The following SGCZ variants were observed in gnomAD, a reference collection of about 807,000 sequenced individuals.
SGCZ encodes zeta-sarcoglycan.
In SGCZ, 40 loss-of-function variants were observed where a neutral mutation model predicts 41.3. The observed-to-expected ratio is 0.97, with a 90% confidence interval of 0.75 to 1.26. The LOEUF (loss-of-function observed/expected upper bound fraction) is 1.26. Among genes scored for constraint, SGCZ ranks in the 50% most tolerant of loss-of-function variants. The pLI is 0.00. For synonymous variants in SGCZ, 206 were observed against 137.5 expected, an observed-to-expected ratio of 1.50 and a Z score of -3.49; for missense variants, 552 against 369.8, an observed-to-expected ratio of 1.49 and a Z score of -4.04.
intron 1 of SGCZ, among the ~76,000 whole-genome samples, chr8:14,574,866 T>C (rs1441386203): frequency 6.6e-6 from 1 of 152,132 alleles, no homozygotes; most frequent in Non-Finnish European, 1.5e-5. Flanking sequence ...TACAGTGAAT[T>C]TGGAGAAAAC....
chr8:14,571,010 T>G (rs530090818), intron 1 of SGCZ, among the ~76,000 whole-genome samples: 1 of 152,306 alleles, frequency 6.6e-6, no homozygotes, highest in East Asian at 1.9e-4. Context: ...CCTTGACAGG[T>G]GTATTAGTCA....
At chr8:15,111,310 C>G (rs62499773) in intron 1 of SGCZ, among the ~76,000 whole-genome samples, 1 of 152,120 alleles carries the variant, frequency 6.6e-6, no homozygotes. Flanking sequence ...CTCCCTACAA[C>G]CCTCTCCCGC....
intron 1 of SGCZ, among the ~76,000 whole-genome samples, chr8:15,112,354 T>C (rs1807102409): frequency 6.6e-6 from 1 of 152,258 alleles, no homozygotes; most frequent in Non-Finnish European, 1.5e-5. Context: ...TTTTGGACCT[T>C]CTGCTAGTAG....
intron 1 of SGCZ, among the ~76,000 whole-genome samples, chr8:15,031,306 G>A (rs927920571): frequency 2.6e-5 from 4 of 152,148 alleles, no homozygotes; most frequent in Admixed American, 6.5e-5. Flanking sequence ...GGATCCTCAT[G>A]CCTCGCCCAG....
At chr8:14,699,543 G>A (rs1183287928) in intron 1 of SGCZ, among the ~76,000 whole-genome samples, 1 of 151,792 alleles carries the variant, frequency 6.6e-6, no homozygotes, top group African/African-American at 2.4e-5. Context: ...ATACCATTCT[G>A]GACATCGACC....
chr8:14,965,919 T>A (rs1585419605), intron 1 of SGCZ, among the ~76,000 whole-genome samples: 1 of 152,076 alleles, frequency 6.6e-6, no homozygotes, highest in South Asian at 2.1e-4. Flanking sequence ...TAACTCATGA[T>A]CGAAGAAGAA....
At chr8:14,103,867 T>TATTA (rs1802117599) in intron 6 of SGCZ, among the ~76,000 whole-genome samples, 1 of 152,214 alleles carries the variant, frequency 6.6e-6, no homozygotes, top group South Asian at 2.1e-4. Context: ...TAAAATTTAC[T>TATTA]ATTAGCATTT....
chr8:14,552,320 A>G (rs1401021193), intron 2 of SGCZ, among the ~76,000 whole-genome samples: 1 of 152,092 alleles, frequency 6.6e-6, no homozygotes, highest in Non-Finnish European at 1.5e-5. Flanking sequence ...CTGAACAACT[A>G]TAAGTGACTA....
chr8:15,102,890 T>C (rs887154047), intron 1 of SGCZ, among the ~76,000 whole-genome samples: 3 of 152,174 alleles, frequency 2.0e-5, no homozygotes, highest in Non-Finnish European at 4.4e-5. Flanking sequence ...AACTCTTTAG[T>C]CCAAGACTGT....
At chr8:14,485,927 C>T (rs939110400) in intron 2 of SGCZ, among the ~76,000 whole-genome samples, 15 of 146,856 alleles carry the variant, frequency 1.0e-4, no homozygotes, top group African/African-American at 3.5e-4. Flanking sequence ...CTGCAAGCTC[C>T]GCTTCCCGGG....
chr8:15,088,611 A>G (rs1234593498), intron 1 of SGCZ, among the ~76,000 whole-genome samples: 1 of 28,810 alleles, frequency 3.5e-5, no homozygotes, highest in Non-Finnish European at 2.1e-4. Context: ...TAAAGCTAGG[A>G]ACTCCTAAGT....
chr8:14,555,866 T>C (rs1804020436), intron 1 of SGCZ, among the ~76,000 whole-genome samples: 1 of 152,218 alleles, frequency 6.6e-6, no homozygotes, highest in Non-Finnish European at 1.5e-5. Flanking sequence ...TAAGTTTTAT[T>C]CAGAATTATG....
At chr8:14,720,660 C>T (rs1436058721) in intron 1 of SGCZ, among the ~76,000 whole-genome samples, 1 of 152,018 alleles carries the variant, frequency 6.6e-6, no homozygotes, top group Non-Finnish European at 1.5e-5. Context: ...AACCCAGCCA[C>T]ATTCATTTAA....
At chr8:15,081,493 CTTTT>C (rs10659307) in intron 1 of SGCZ, among the ~76,000 whole-genome samples, 1 of 139,704 alleles carries the variant, frequency 7.2e-6, no homozygotes, top group Non-Finnish European at 1.6e-5. Flanking sequence ...GATCCAATGG[CTTTT>C]TTTTTTTTTT....
intron 1 of SGCZ, among the ~76,000 whole-genome samples, chr8:14,707,313 C>A (rs530118559): frequency 6.6e-6 from 1 of 151,500 alleles, no homozygotes; most frequent in Non-Finnish European, 1.5e-5. Context: ...TCAGTGAGCT[C>A]TTGATGTGTG....
rs116202982 is a variant in SGCZ, at chr8:15,168,302, T to C, written c.39+69283A>G. Among the ~76,000 whole-genome samples, 1,014 of 152,286 alleles carry C rather than the reference T, an allele frequency of 6.7e-3. 8 individuals carry two copies. The highest frequency in any genetic ancestry group is 0.024 in the African/African-American group (977 of 41,562). On this transcript the variant is annotated intron_variant, in intron 1 of 7. Transcript: ENST00000382080. ...GGTGAGCGTGGCTGATTCCTGACGA[T>C]TAAGCCAACCCCAGGCTTCCTGTTT...
At chr8:14,705,074 G>C (rs1208913012) in intron 1 of SGCZ, among the ~76,000 whole-genome samples, 1 of 151,900 alleles carries the variant, frequency 6.6e-6, no homozygotes, top group Non-Finnish European at 1.5e-5. Flanking sequence ...CTTTTTTCCA[G>C]TTCTAAAGTT....
intron 1 of SGCZ, among the ~76,000 whole-genome samples, chr8:14,707,626 TTGTC>T (rs984757744): frequency 3.9e-5 from 6 of 152,272 alleles, no homozygotes; most frequent in Admixed American, 1.3e-4. Flanking sequence ...GATTGCTTCT[TTGTC>T]TGTTACAATT....
At chr8:14,780,096 G>A (rs1036190697) in intron 1 of SGCZ, among the ~76,000 whole-genome samples, 2 of 152,122 alleles carry the variant, frequency 1.3e-5, no homozygotes, top group African/African-American at 2.4e-5. Flanking sequence ...AAATACGGCC[G>A]GGCGCAGTGG....
Sources: gnomAD v4.1 joint callset for allele counts (sites outside exome capture counted in the v4.1 genomes callset) on GRCh38, gnomAD v4.1.1 for gene constraint, MANE v1.5 for transcripts, NCBI Gene and HGNC (gene_info 2026-07-23, HGNC 2026-07-21) for gene names.